GH1: variants seen among roughly 807,000 people sequenced by gnomAD.
The protein encoded by GH1 is somatotropin.
GH1 carries 13 observed loss-of-function variants against 24.5 expected under a neutral mutation model. The ratio of observed to expected loss-of-function variants is 0.53; its 90% CI spans 0.35 to 0.85. GH1 has a LOEUF of 0.85. Among genes scored for constraint, GH1 ranks in the 40% least tolerant of loss-of-function variants. The pLI is 0.01. For missense variants in GH1, 294 were observed against 273.2 expected (o/e 1.08, Z -0.54); for synonymous variants, 126 against 116.3 (o/e 1.08, Z -0.54).
chr17:63,918,720 C>T, intron 1 of GH1, 47 bp downstream of exon 1: 2 of 1,613,568 alleles, frequency 1.2e-6, no homozygotes, highest in Non-Finnish European at 8.5e-7. Context: ...GTCGCTGCCT[C>T]TCCCCTCAGG....
At chr17:63,918,295 A>C (rs1194953300) in intron 2 of GH1, 51 bp downstream of exon 2, 1 of 1,612,620 alleles carries the variant, frequency 6.2e-7, no homozygotes, top group Non-Finnish European at 8.5e-7. Context: ...AGCGGGGGAA[A>C]GTCACCCCTT....
intron 1 of GH1, 119 bp downstream of exon 1, chr17:63,918,648 A>C (rs1907542035): frequency 1.2e-6 from 2 of 1,609,924 alleles, no homozygotes; most frequent in South Asian, 1.1e-5. Flanking sequence ...CTGGGCTTAC[A>C]TGGCGATACT....
At position 63,917,474 on chromosome 17, in the gene GH1, C is replaced by T. The variant is rs759488326; in HGVS notation, c.489G>A (p.Gln163=). The change falls in exon 5 of 5, where the codon CAG becomes CAA. Residue 163 remains glutamine, a synonymous_variant. Coordinates refer to ENST00000323322, the MANE Select transcript of GH1 (RefSeq NM_000515.5). ...RLEDGSPRTG[Q]IFKQTYSKFD... ...ACTTGCTGTAGGTCTGCTTGAAGAT[C>T]TGCCCAGTCCGGGGGCTGCCATCTT... is the stretch of plus-strand genomic sequence containing the variant. The T allele has an allele frequency of 1.4e-5, 22 of 1,614,000 alleles. No individual in the cohort carries two copies. The highest frequency in any genetic ancestry group is 2.2e-5 in the East Asian group (1 of 44,878).
At chr17:63,918,673 C>T (rs1324011994) in intron 1 of GH1, 94 bp downstream of exon 1, 2 of 1,611,794 alleles carry the variant, frequency 1.2e-6, no homozygotes, top group African/African-American at 1.3e-5. Context: ...TTCAGAAGCC[C>T]CAAACCTGAG....
intron 4 of GH1, 119 bp from the exon 5 acceptor site, chr17:63,917,625 G>A: frequency 8.1e-6 from 13 of 1,613,770 alleles, no homozygotes; most frequent in Admixed American, 3.3e-5. Context: ...GAGGATTCAC[G>A]AGGGGAAATG....
chr17:63,918,540 G>C (rs372711689), intron 1 of GH1, 34 bp from the exon 2 acceptor site: 1 of 1,613,176 alleles, frequency 6.2e-7, no homozygotes, highest in Non-Finnish European at 8.5e-7. Context: ...AGAGGGAGCC[G>C]GAGAGCAAGA....
In GH1 at chr17:63,918,758, G is replaced by T. The variant is rs1488802668; in HGVS notation, c.10+9C>A. The T allele has an allele frequency of 1.2e-6, 2 of 1,613,910 alleles. No homozygotes were observed. Among genetic ancestry groups the T allele is most frequent in the Non-Finnish European group, 8.5e-7 (1 of 1,179,850 alleles). ...ACATTGTGCCCAAAGGGATTTTAGGGGCGCTTACCTGTAGCCATTGCAGCT... is the reference window on the plus strand; with the variant it reads ...ACATTGTGCCCAAAGGGATTTTAGGTGCGCTTACCTGTAGCCATTGCAGCT... On this transcript the variant is annotated intron_variant, in intron 1 of 4. Transcript: ENST00000323322.
rs762759144 is a variant in GH1 at position 63,918,424 on chromosome 17, G to A, written c.93C>T (p.Pro31=). The A allele has an allele frequency of 1.2e-6, 2 of 1,614,198 alleles. No homozygotes were observed. The highest frequency in any genetic ancestry group is 1.3e-5 in the African/African-American group (1 of 75,054). Residue 31 remains proline, a synonymous_variant, in exon 2 of 5, where the codon CCC becomes CCT. Coordinates refer to ENST00000323322, the MANE Select transcript of GH1 (RefSeq NM_000515.5). ...TAGCGTTGTCAAAAAGCCTGGATAA[G>A]GGAATGGTTGGGAAGGCACTGCCCT... ...LQEGSAFPTI[P]LSRLFDNAML...
rs1567802326 is a variant in GH1, at chr17:63,917,510, CAAAGTGAAG to C, written c.457-13_457-5del. The C allele has an allele frequency of 5.6e-6, 9 of 1,613,872 alleles. No homozygotes were observed. Among genetic ancestry groups the C allele is most frequent in the Admixed American group, 1.7e-5 (1 of 60,006 alleles). On this transcript the variant is annotated splice_polypyrimidine_tract_variant and splice_region_variant and intron_variant, in intron 4 of 4. Coordinates refer to ENST00000323322, the MANE Select transcript of GH1 (RefSeq NM_000515.5). ...GGGGGCTGCCATCTTCCAGCCTCTG[CAAAGTGAAG>C]GAAGAGAAGGAGAGGCCAAGCGCTT...
intron 1 of GH1, 26 bp downstream of exon 1, chr17:63,918,740 GC>G (rs1173390579): frequency 6.2e-7 from 1 of 1,613,758 alleles, no homozygotes; most frequent in Non-Finnish European, 8.5e-7. Context: ...GACACATTGT[GC>G]CCAAAGGGAT....
chr17:63,918,519 C>G lies in GH1; in HGVS notation c.11-13G>C. On this transcript the variant is annotated splice_polypyrimidine_tract_variant and intron_variant, in intron 1 of 4. Coordinates refer to ENST00000323322, the MANE Select transcript of GH1 (RefSeq NM_000515.5). ...GACGTCCGGGAGCCTGGGGAGAAAC[C>G]AGAGGGCAACAGAGGGAGCCGGAGA... 1 of 1,613,724 alleles carries G rather than the reference C, an allele frequency of 6.2e-7. No homozygotes were observed. The highest frequency in any genetic ancestry group is 8.5e-7 in the Non-Finnish European group (1 of 1,179,966).
rs373184101 is a variant in GH1, at chr17:63,917,365, C to T, written c.598G>A (p.Glu200Lys). Residue 200 changes from glutamate (E) to lysine (K), a missense_variant, in exon 5 of 5, where the codon GAG (glutamate) becomes AAG (lysine). Transcript: ENST00000323322. ...YCFRKDMDKV[E>K]TFLRIVQCRS... Reference sequence around the variant, plus strand: ...CACTGCACGATGCGCAGGAATGTCTCGACCTTGTCCATGTCCTTCCTGAAG... The same window carrying T: ...CACTGCACGATGCGCAGGAATGTCTTGACCTTGTCCATGTCCTTCCTGAAG... The T allele has an allele frequency of 6.2e-6, 10 of 1,613,868 alleles. No individual in the cohort carries two copies. The highest frequency in any genetic ancestry group is 1.1e-5 in the South Asian group (1 of 91,076).
chr17:63,918,390 C>A lies in GH1; in HGVS notation c.127G>T (p.Ala43Ser). Residue 43 changes from alanine to serine, a missense_variant, in exon 2 of 5, where the codon GCC becomes TCC. Coordinates refer to ENST00000323322, the MANE Select transcript of GH1 (RefSeq NM_000515.5). ...AAGGCCAGCTGGTGCAGACGATGGG[C>A]GCGGAGCATAGCGTTGTCAAAAAGC... is the stretch of plus-strand genomic sequence containing the variant. ...SRLFDNAMLRAHRLHQLAFDT... is the reference protein window; with the variant it reads ...SRLFDNAMLRSHRLHQLAFDT... The A allele has an allele frequency of 6.2e-7, 1 of 1,614,152 alleles. No individual in the cohort carries two copies. Among genetic ancestry groups the A allele is most frequent in the Non-Finnish European group, 8.5e-7 (1 of 1,180,022 alleles).
chr17:63,917,766 C>G lies in GH1; in HGVS notation c.450G>C (p.Leu150=), dbSNP rs113379310. The G allele has an allele frequency of 5.5e-5, 88 of 1,614,208 alleles. 1 individual carries two copies. In the African/African-American group the frequency reaches 8.5e-4, roughly 16 times the overall value. ...CCCCTGGCGCCACCCTCACCCCCAT[C>G]AGCGTTTGGATGCCTTCCTCTAGGT... is the stretch of plus-strand genomic sequence containing the variant. ...LKDLEEGIQT[L]MGRLEDGSPR... is the part of the protein sequence containing the mutation. Residue 150 remains leucine (L), a synonymous_variant, in exon 4 of 5, where the codon CTG becomes CTC. Transcript: ENST00000323322.
At chr17:63,918,565 C>T in intron 1 of GH1, 59 bp from the exon 2 acceptor site, 1 of 1,612,314 alleles carries the variant, frequency 6.2e-7, no homozygotes, top group Non-Finnish European at 8.5e-7. Flanking sequence ...AGCACTCTCC[C>T]TGCTCCAGGA....
chr17:63,918,334 C>G lies in GH1; in HGVS notation c.171+12G>C. 1.9e-6 allele frequency: 3 copies of G among 1,614,142 alleles called. No homozygotes were observed. Among genetic ancestry groups the G allele is most frequent in the Non-Finnish European group, 2.5e-6 (3 of 1,180,004 alleles). ...GCCACCCCTGATGCGCACCCATTCCCCAAGAGCTTACAAACTCCTGGTAGG... is the reference window on the plus strand; with the variant it reads ...GCCACCCCTGATGCGCACCCATTCCGCAAGAGCTTACAAACTCCTGGTAGG... On this transcript the variant is annotated intron_variant, in intron 2 of 4. Coordinates refer to ENST00000323322, the MANE Select transcript of GH1 (RefSeq NM_000515.5).
Position 63,918,288 on chromosome 17 carries a change from G to C in GH1, c.171+58C>G, listed in dbSNP as rs571680850. On this transcript the variant is annotated intron_variant, in intron 2 of 4. Transcript: ENST00000323322. ...TAGTCTCCTCCTCTTATTTCCCAGC[G>C]GGGGAAAGTCACCCCTTCCTGCCAC... 30 of 1,610,864 alleles carry C rather than the reference G, an allele frequency of 1.9e-5. No individual in the cohort carries two copies. The African/African-American group carries it at 3.7e-4, about 20-fold the overall frequency.
In GH1 at chr17:63,917,515, T is replaced by G; in HGVS notation, c.457-9A>C. On this transcript the variant is annotated splice_polypyrimidine_tract_variant and intron_variant, in intron 4 of 4. Coordinates refer to ENST00000323322, the MANE Select transcript of GH1 (RefSeq NM_000515.5). ...CTGCCATCTTCCAGCCTCTGCAAAG[T>G]GAAGGAAGAGAAGGAGAGGCCAAGC... 1 of 1,613,874 alleles carries G rather than the reference T, an allele frequency of 6.2e-7. No individual in the cohort carries two copies.
rs572278056 is a variant in GH1 at position 63,917,482 on chromosome 17, T to G, written c.481A>C (p.Thr161Pro). 36 of 1,613,948 alleles carry G rather than the reference T, an allele frequency of 2.2e-5. No individual in the cohort carries two copies. The Middle Eastern group carries it at 6.6e-4, about 30-fold the overall frequency. The change falls in exon 5 of 5, where the codon ACT (threonine) becomes CCT (proline). Residue 161 changes from threonine to proline, a missense_variant. By Grantham distance (38) the Thr-to-Pro change is conservative. Coordinates refer to ENST00000323322, the MANE Select transcript of GH1 (RefSeq NM_000515.5). ...MGRLEDGSPR[T>P]GQIFKQTYSK... is the part of the protein sequence containing the mutation. ...TAGGTCTGCTTGAAGATCTGCCCAG[T>G]CCGGGGGCTGCCATCTTCCAGCCTC...
Sources: gnomAD v4.1 joint callset for allele counts on GRCh38, gnomAD v4.1.1 for gene constraint, MANE v1.5 for transcripts, NCBI Gene and HGNC (gene_info 2026-07-23, HGNC 2026-07-21) for gene names.